The following VAV3 variants were observed in gnomAD, a reference collection of about 807,000 sequenced individuals.
The protein encoded by VAV3 is guanine nucleotide exchange factor VAV3.
VAV3 carries 94 observed loss-of-function variants against 131.2 expected under a neutral mutation model. The ratio of observed to expected loss-of-function variants is 0.72; its 90% CI spans 0.61 to 0.85. The LOEUF (loss-of-function observed/expected upper bound fraction) is 0.85, where lower values mean the gene tolerates loss of function less well. Ranked by LOEUF, VAV3 falls within the 40% of genes least tolerant of loss-of-function variation. VAV3 has a pLI of 0.00. For missense variants in VAV3, 939 were observed against 1,002.7 expected, an observed-to-expected ratio of 0.94 and a Z score of 0.86; for synonymous variants, 349 against 342.0, an observed-to-expected ratio of 1.02 and a Z score of -0.22.
chr1:107,878,468 A>C (rs1670612144), intron 1 of VAV3, among the ~76,000 whole-genome samples: 1 of 152,114 alleles, frequency 6.6e-6, no homozygotes, highest in African/African-American at 2.4e-5. Flanking sequence ...AATGACATTG[A>C]CTTTTTGAAG....
chr1:107,960,297 C>T (rs1675021979), intron 1 of VAV3, among the ~76,000 whole-genome samples: 1 of 152,012 alleles, frequency 6.6e-6, no homozygotes, highest in East Asian at 1.9e-4. Flanking sequence ...GTGAAACCCC[C>T]TCTACTAAAA....
intron 1 of VAV3, among the ~76,000 whole-genome samples, chr1:107,886,863 C>A (rs1671058569): frequency 6.6e-6 from 1 of 151,456 alleles, no homozygotes; most frequent in South Asian, 2.1e-4. Context: ...GAAAAAAAAA[C>A]CTGCATTTGC....
intron 2 of VAV3, among the ~76,000 whole-genome samples, chr1:107,858,702 G>C (rs1250937746): frequency 1.3e-5 from 2 of 152,162 alleles, no homozygotes; most frequent in Non-Finnish European, 2.9e-5. Context: ...CCAGTACTCG[G>C]TCCATGGAAA....
intron 17 of VAV3, among the ~76,000 whole-genome samples, chr1:107,699,970 A>G (rs900243759): frequency 6.6e-6 from 1 of 152,172 alleles, no homozygotes; most frequent in Non-Finnish European, 1.5e-5. Context: ...ATCACACACC[A>G]AAGGTTATGA....
chr1:107,844,669 G>A (rs7520295), intron 2 of VAV3, among the ~76,000 whole-genome samples: 31,419 of 152,050 alleles, frequency 0.21, 3,632 homozygotes, highest in Middle Eastern at 0.3. Context: ...TCCCCTCACA[G>A]TATAAACAAA....
chr1:107,637,121 A>G (rs1654989509), intron 20 of VAV3, among the ~76,000 whole-genome samples: 2 of 152,204 alleles, frequency 1.3e-5, no homozygotes, highest in South Asian at 2.1e-4. Flanking sequence ...CATTACTGAT[A>G]TCGGGAATGA....
At chr1:107,725,079 C>A (rs1167991123) in intron 15 of VAV3, among the ~76,000 whole-genome samples, 1 of 152,068 alleles carries the variant, frequency 6.6e-6, no homozygotes, top group African/African-American at 2.4e-5. Flanking sequence ...AGACCTAAAG[C>A]AAGACAGTGA....
At chr1:107,881,624 G>A (rs1374641734) in intron 1 of VAV3, among the ~76,000 whole-genome samples, 2 of 152,172 alleles carry the variant, frequency 1.3e-5, no homozygotes, top group Non-Finnish European at 2.9e-5. Flanking sequence ...GGCATGAATA[G>A]CTCGCTTATT....
chr1:107,709,695 G>A (rs7522435), intron 15 of VAV3, among the ~76,000 whole-genome samples: 6 of 152,008 alleles, frequency 3.9e-5, no homozygotes, highest in African/African-American at 1.4e-4. Context: ...CTCATGATAC[G>A]GAGTTATTTC....
At chr1:107,756,884 T>C (rs745374429) in intron 11 of VAV3, among the ~76,000 whole-genome samples, 1 of 152,096 alleles carries the variant, frequency 6.6e-6, no homozygotes, top group African/African-American at 2.4e-5. Context: ...CGTTTTCTAT[T>C]AGTCACCATG....
intron 15 of VAV3, among the ~76,000 whole-genome samples, chr1:107,715,772 CAATTCTA>C (rs1661056019): frequency 6.6e-6 from 1 of 152,136 alleles, no homozygotes; most frequent in Non-Finnish European, 1.5e-5. Flanking sequence ...TGTAAGAAAT[CAATTCTA>C]GAGAATTTGG....
At chr1:107,604,299 G>A (rs533465245) in intron 22 of VAV3, among the ~76,000 whole-genome samples, 1 of 151,828 alleles carries the variant, frequency 6.6e-6, no homozygotes, top group Non-Finnish European at 1.5e-5. Flanking sequence ...CACATGACAG[G>A]CATTCAGCAA....
chr1:107,816,798 C>G (rs1411215667), intron 2 of VAV3, among the ~76,000 whole-genome samples: 1 of 152,100 alleles, frequency 6.6e-6, no homozygotes, highest in African/African-American at 2.4e-5. Flanking sequence ...TTATTCAAAC[C>G]CTCTTATTTT....
chr1:107,923,555 G>A (rs1399166383), intron 1 of VAV3, among the ~76,000 whole-genome samples: 8 of 152,150 alleles, frequency 5.3e-5, no homozygotes, highest in Admixed American at 5.2e-4. Context: ...TCACAGTTCT[G>A]CATGGCTGAG....
chr1:107,935,739 A>G (rs1673678619), intron 1 of VAV3, among the ~76,000 whole-genome samples: 1 of 152,210 alleles, frequency 6.6e-6, no homozygotes, highest in Admixed American at 6.5e-5. Flanking sequence ...CAGGAGAGGC[A>G]CCAAAAACAG....
intron 1 of VAV3, among the ~76,000 whole-genome samples, chr1:107,945,292 C>A (rs976200279): frequency 1.3e-5 from 2 of 152,122 alleles, no homozygotes; most frequent in Admixed American, 6.5e-5. Flanking sequence ...TTTAGAGGCC[C>A]TTGAAAAACA....
At chr1:107,709,623 G>A (rs913671063) in intron 15 of VAV3, among the ~76,000 whole-genome samples, 8 of 152,148 alleles carry the variant, frequency 5.3e-5, no homozygotes, top group Non-Finnish European at 8.8e-5. Flanking sequence ...TAATCCCCAC[G>A]TGTCGTGAGA....
rs553950414 is a variant in VAV3, at chr1:107,819,917, C to T, written c.322-40425G>A. On this transcript the variant is annotated intron_variant, in intron 2 of 26. Transcript: ENST00000370056. ...TCAAAACTACAGTGAAATATCATCT[C>T]TACCCCGTTAAAATGGCTTTTATCC... 3.9e-5 allele frequency among the ~76,000 whole-genome samples: 6 copies of T among 152,268 alleles called. No individual in the cohort carries two copies. The South Asian group carries it at 8.3e-4, about 21-fold the overall frequency.
At chr1:107,693,419 C>A (rs965313960) in intron 17 of VAV3, among the ~76,000 whole-genome samples, 4 of 152,010 alleles carry the variant, frequency 2.6e-5, no homozygotes, top group African/African-American at 9.7e-5. Context: ...AATAATCTGT[C>A]ATAATCACAT....
Sources: gnomAD v4.1 joint callset for allele counts (sites outside exome capture counted in the v4.1 genomes callset) on GRCh38, gnomAD v4.1.1 for gene constraint, MANE v1.5 for transcripts, NCBI Gene and HGNC (gene_info 2026-07-23, HGNC 2026-07-21) for gene names.